Variants in CDH13 observed in about 807,000 individuals in gnomAD.
CDH13 encodes the protein cadherin 13, also known as cadherin-13.
Under a neutral mutation model 63.8 loss-of-function variants are expected in CDH13, and 24 were observed. The observed-to-expected ratio is 0.38, with a 90% CI of 0.27 to 0.53. The LOEUF is 0.53. CDH13 is among the 20% of genes least tolerant of loss of function. The pLI, the probability that CDH13 is intolerant of heterozygous loss-of-function variation, is 0.85. For missense variants in CDH13, 1,049 were observed against 903.1 expected (o/e 1.16, Z -2.07); for synonymous variants, 503 against 355.3 (o/e 1.42, Z -4.67).
intron 1 of CDH13, among the ~76,000 whole-genome samples, chr16:82,645,273 T>A (rs1388303825): frequency 6.6e-6 from 1 of 152,128 alleles, no homozygotes; most frequent in Non-Finnish European, 1.5e-5. Flanking sequence ...GGCTCAGAAA[T>A]CTGTGTTTCC....
At chr16:82,972,882 G>A (rs1908967133) in intron 2 of CDH13, among the ~76,000 whole-genome samples, 1 of 152,096 alleles carries the variant, frequency 6.6e-6, no homozygotes, top group African/African-American at 2.4e-5. Context: ...AAGGAAACCA[G>A]GTCACTCAGG....
At chr16:83,565,005 C>T (rs1301212556) in intron 7 of CDH13, among the ~76,000 whole-genome samples, 1 of 152,114 alleles carries the variant, frequency 6.6e-6, no homozygotes, top group Non-Finnish European at 1.5e-5. Context: ...CAAACAGGAC[C>T]CCCATGGCAG....
At chr16:82,706,755 G>T (rs932271691) in intron 1 of CDH13, among the ~76,000 whole-genome samples, 2 of 151,910 alleles carry the variant, frequency 1.3e-5, no homozygotes, top group African/African-American at 2.4e-5. Flanking sequence ...GGTGAGCTGA[G>T]ATCATGCCGC....
At chr16:82,708,267 G>A (rs1293965563) in intron 1 of CDH13, among the ~76,000 whole-genome samples, 1 of 152,208 alleles carries the variant, frequency 6.6e-6, no homozygotes, top group Non-Finnish European at 1.5e-5. Flanking sequence ...TTTGTGGCAT[G>A]GCTTGCATTC....
At chr16:83,215,435 A>G (rs2039468864) in intron 4 of CDH13, among the ~76,000 whole-genome samples, 1 of 152,076 alleles carries the variant, frequency 6.6e-6, no homozygotes, top group Non-Finnish European at 1.5e-5. Context: ...TCTTAAAAAT[A>G]CAAACATATG....
At chr16:83,035,822 G>C (rs190438162) in intron 3 of CDH13, among the ~76,000 whole-genome samples, 3 of 152,274 alleles carry the variant, frequency 2.0e-5, no homozygotes, top group Non-Finnish European at 2.9e-5. Context: ...TAATAGACTT[G>C]TTTGGATCTT....
At chr16:83,583,871 C>T (rs1018072481) in intron 7 of CDH13, among the ~76,000 whole-genome samples, 16 of 152,166 alleles carry the variant, frequency 1.1e-4, no homozygotes, top group African/African-American at 2.9e-4. Flanking sequence ...GAGCTGAGAT[C>T]GCACCACAGC....
chr16:83,201,735 A>AG (rs991699932), intron 4 of CDH13, among the ~76,000 whole-genome samples: 8 of 150,712 alleles, frequency 5.3e-5, no homozygotes, highest in African/African-American at 2.0e-4. Flanking sequence ...GTCTCTAATA[A>AG]AAAAAAATTA....
intron 11 of CDH13, among the ~76,000 whole-genome samples, chr16:83,755,841 G>A (rs75629578): frequency 0.06 from 9,014 of 151,390 alleles, 355 homozygotes; most frequent in East Asian, 0.11. Flanking sequence ...ATGCCAGAGA[G>A]GCATAGAAAC....
intron 1 of CDH13, among the ~76,000 whole-genome samples, chr16:82,651,096 G>A (rs1910669721): frequency 6.6e-6 from 1 of 152,154 alleles, no homozygotes; most frequent in South Asian, 2.1e-4. Flanking sequence ...TCAGTTTGAA[G>A]TTGTCCCTCC....
At chr16:82,842,781 A>G (rs2549142) in intron 1 of CDH13, among the ~76,000 whole-genome samples, 119,303 of 148,376 alleles carry the variant, frequency 0.8, 49,472 homozygotes, top group Non-Finnish European at 0.93. Flanking sequence ...GGAGCCCTGA[A>G]CTTGTTTTCC....
chr16:83,340,129 G>A (rs1167226411), intron 5 of CDH13, among the ~76,000 whole-genome samples: 1 of 152,082 alleles, frequency 6.6e-6, no homozygotes, highest in Non-Finnish European at 1.5e-5. Context: ...TTCTACTTTT[G>A]TATTTGACAG....
intron 11 of CDH13, among the ~76,000 whole-genome samples, chr16:83,772,375 G>T (rs1914817287): frequency 6.6e-6 from 1 of 152,056 alleles, no homozygotes. Flanking sequence ...TCCACTTGAA[G>T]CCATTTGGAT....
intron 5 of CDH13, among the ~76,000 whole-genome samples, chr16:83,295,229 CAAAAT>C (rs993285556): frequency 7.2e-5 from 11 of 152,102 alleles, no homozygotes; most frequent in Non-Finnish European, 1.3e-4. Context: ...AAAATCAACT[CAAAAT>C]GAAATAAAGA....
chr16:82,700,974 C>CCCCCCCG (rs1491560033), intron 1 of CDH13, among the ~76,000 whole-genome samples: 6 of 39,650 alleles, frequency 1.5e-4, no homozygotes, highest in Non-Finnish European at 2.9e-4. Context: ...CCCCCCCCCC[C>CCCCCCCG]GCCCCGGGCA....
chr16:83,135,027 A>G (rs8056329), intron 4 of CDH13, among the ~76,000 whole-genome samples: 3 of 151,980 alleles, frequency 2.0e-5, no homozygotes, highest in Non-Finnish European at 4.4e-5. Flanking sequence ...TTCAAGGACC[A>G]GGCATTTCAG....
At chr16:83,044,454 GAC>G (rs1001336412) in intron 3 of CDH13, among the ~76,000 whole-genome samples, 4 of 152,182 alleles carry the variant, frequency 2.6e-5, no homozygotes, top group East Asian at 3.9e-4. Context: ...GTATTGTCAT[GAC>G]ACATTTTAAA....
At chr16:82,927,925 T>C (rs760409212) in intron 2 of CDH13, among the ~76,000 whole-genome samples, 1 of 152,238 alleles carries the variant, frequency 6.6e-6, no homozygotes, top group Non-Finnish European at 1.5e-5. Context: ...AGTCATTGTA[T>C]TAGATATTGG....
chr16:82,975,332 G>T (rs1909352469), intron 2 of CDH13, among the ~76,000 whole-genome samples: 1 of 152,182 alleles, frequency 6.6e-6, no homozygotes, highest in African/African-American at 2.4e-5. Context: ...GGGCTGTGTG[G>T]ACTCCATGGA....
Sources: gnomAD v4.1 joint callset for allele counts (sites outside exome capture counted in the v4.1 genomes callset) on GRCh38, gnomAD v4.1.1 for gene constraint, MANE v1.5 for transcripts, NCBI Gene and HGNC (gene_info 2026-07-23, HGNC 2026-07-21) for gene names.